The following CAMKMT variants were observed in gnomAD, a reference collection of about 807,000 sequenced individuals.
CAMKMT encodes CaM KMT.
In CAMKMT, 53 loss-of-function variants were observed where a neutral mutation model predicts 48.0. That is an observed-to-expected ratio of 1.10 (90% CI 0.89 to 1.39). The LOEUF (loss-of-function observed/expected upper bound fraction) is 1.39. Ranked by LOEUF, CAMKMT falls within the 40% of genes most tolerant of loss-of-function variation. The probability of loss-of-function intolerance (pLI) is 0.00; values close to 1 mark genes in which losing one functional copy is unlikely to be tolerated. For missense variants in CAMKMT, 428 were observed against 402.7 expected (o/e 1.06, Z -0.54); for synonymous variants, 165 against 152.3 (o/e 1.08, Z -0.61).
rs576054386 is a variant in CAMKMT at position 44,526,139 on chromosome 2, A to G, written c.376+135834A>G. The stretch of plus-strand genomic sequence containing the variant: ...TCATTCTCAGGAAACTATCACAAGG[A>G]CAAAAAACCTCTTTCCCAAGATTTC... On this transcript the variant is annotated intron_variant, in intron 3 of 10. Coordinates refer to ENST00000378494, the MANE Select transcript of CAMKMT (RefSeq NM_024766.5). Among the ~76,000 whole-genome samples the G allele has an allele frequency of 4.0e-5, 6 of 151,450 alleles. No homozygotes were observed. The East Asian group carries it at 1.2e-3, about 30-fold the overall frequency.
chr2:44,588,152 C>G (rs958146993), intron 3 of CAMKMT, among the ~76,000 whole-genome samples: 1 of 135,892 alleles, frequency 7.4e-6, no homozygotes, highest in Non-Finnish European at 1.6e-5. Context: ...ATGTGAGGAG[C>G]GCCTCTGCCC....
intron 3 of CAMKMT, among the ~76,000 whole-genome samples, chr2:44,483,573 CT>C (rs1366564265): frequency 4.6e-5 from 7 of 152,072 alleles, no homozygotes; most frequent in African/African-American, 1.2e-4. Flanking sequence ...GACCATTGTA[CT>C]TCTAAAGTTT....
chr2:44,762,924 T>A (rs2104401580), intron 9 of CAMKMT, among the ~76,000 whole-genome samples: 1 of 152,368 alleles, frequency 6.6e-6, no homozygotes, highest in Middle Eastern at 3.4e-3. Flanking sequence ...GCTTAGAAAG[T>A]TGTGCTTTGG....
chr2:44,520,265 C>T (rs1006231188), intron 3 of CAMKMT, among the ~76,000 whole-genome samples: 45 of 151,884 alleles, frequency 3.0e-4, no homozygotes, highest in African/African-American at 8.9e-4. Flanking sequence ...GATGGGGTCT[C>T]GCTATGTTGC....
chr2:44,652,112 C>T (rs1674103325), intron 3 of CAMKMT, among the ~76,000 whole-genome samples: 1 of 152,136 alleles, frequency 6.6e-6, no homozygotes, highest in South Asian at 2.1e-4. Context: ...GATTTTAAAG[C>T]TATGTTTATA....
rs372225514 is a variant in CAMKMT, at chr2:44,494,241, C to T, written c.376+103936C>T. 2.0e-4 allele frequency among the ~76,000 whole-genome samples: 31 copies of T among 152,272 alleles called. No individual in the cohort carries two copies. The East Asian group carries it at 4.4e-3, about 22-fold the overall frequency. On this transcript the variant is annotated intron_variant, in intron 3 of 10. Coordinates refer to ENST00000378494, the MANE Select transcript of CAMKMT (RefSeq NM_024766.5). The stretch of plus-strand genomic sequence containing the variant: ...ACTCTTGGATGTCAGTAGACATGAA[C>T]GGGAGGTACTGTATACAACAAGCTT...
At chr2:44,553,018 C>G (rs1321187797) in intron 3 of CAMKMT, among the ~76,000 whole-genome samples, 1 of 152,108 alleles carries the variant, frequency 6.6e-6, no homozygotes, top group Non-Finnish European at 1.5e-5. Context: ...GAGGCTTAGC[C>G]AAAGAGTTCA....
intron 4 of CAMKMT, among the ~76,000 whole-genome samples, chr2:44,704,747 A>T (rs933349225): frequency 2.0e-5 from 3 of 151,980 alleles, no homozygotes; most frequent in Non-Finnish European, 4.4e-5. Flanking sequence ...TCACTACAGA[A>T]TGTCTGATAG....
chr2:44,412,130 C>T (rs1318547724), intron 3 of CAMKMT, among the ~76,000 whole-genome samples: 1 of 151,792 alleles, frequency 6.6e-6, no homozygotes. Flanking sequence ...GATGGAACTG[C>T]TTGTCACGCG....
intron 3 of CAMKMT, among the ~76,000 whole-genome samples, chr2:44,665,970 G>A (rs934917736): frequency 6.6e-6 from 1 of 152,226 alleles, no homozygotes; most frequent in Non-Finnish European, 1.5e-5. Context: ...AACTGACTCA[G>A]AGTTAAAGCG....
chr2:44,742,608 T>C (rs1210833823), intron 7 of CAMKMT, among the ~76,000 whole-genome samples: 1 of 152,174 alleles, frequency 6.6e-6, no homozygotes, highest in African/African-American at 2.4e-5. Context: ...GTGTAGGTAT[T>C]TTTGTGGTGA....
intron 3 of CAMKMT, among the ~76,000 whole-genome samples, chr2:44,447,548 T>C (rs930645945): frequency 6.6e-6 from 1 of 152,238 alleles, no homozygotes; most frequent in Non-Finnish European, 1.5e-5. Flanking sequence ...TCATGTTGCA[T>C]GTTTATCTTG....
rs143166244 is a variant in CAMKMT at position 44,696,408 on chromosome 2, C to G, written c.377-7875C>G. Among the ~76,000 whole-genome samples the G allele has an allele frequency of 5.9e-5, 9 of 152,224 alleles. No individual in the cohort carries two copies. The East Asian group carries it at 1.5e-3, about 26-fold the overall frequency. ...CCACAAATATTGAGGGGCAGTTGTA[C>G]TTCTAAAAGAAGGAGTTGAAGGGGA... On this transcript the variant is annotated intron_variant, in intron 3 of 10. Coordinates refer to ENST00000378494, the MANE Select transcript of CAMKMT (RefSeq NM_024766.5).
At position 44,529,125 on chromosome 2, in the gene CAMKMT, C is replaced by T. The variant is rs541115984; in HGVS notation, c.376+138820C>T. Among the ~76,000 whole-genome samples, 8 of 152,170 alleles carry T rather than the reference C, an allele frequency of 5.3e-5. No homozygotes were observed. The East Asian group carries it at 5.8e-4, about 11-fold the overall frequency. ...AATGCTTGATTTCTTTCCCTTTAAC[C>T]GCTAGTTTTCAGAATAATGAATTGG... On this transcript the variant is annotated intron_variant, in intron 3 of 10. Coordinates refer to ENST00000378494, the MANE Select transcript of CAMKMT (RefSeq NM_024766.5).
rs556632466 is a variant in CAMKMT, at chr2:44,416,512, A to G, written c.376+26207A>G. Among the ~76,000 whole-genome samples, 407 of 151,492 alleles carry G rather than the reference A, an allele frequency of 2.7e-3. 1 individual carries two copies. The highest frequency in any genetic ancestry group is 9.4e-3 in the African/African-American group (386 of 41,212). The stretch of plus-strand genomic sequence containing the variant: ...AGATTAAACTCTTCTCGTGTTTCAT[A>G]TAAATGCATTCTTATATGTTCTCTT... On this transcript the variant is annotated intron_variant, in intron 3 of 10. Coordinates refer to ENST00000378494, the MANE Select transcript of CAMKMT (RefSeq NM_024766.5).
At chr2:44,624,380 G>A (rs1672361013) in intron 3 of CAMKMT, among the ~76,000 whole-genome samples, 1 of 151,854 alleles carries the variant, frequency 6.6e-6, no homozygotes, top group African/African-American at 2.4e-5. Flanking sequence ...ACAATGTGCA[G>A]GTTTGTTACA....
rs759482857 is a variant in CAMKMT, at chr2:44,361,988, G to T, written c.-20G>T. 3 of 1,378,384 alleles carry T rather than the reference G, an allele frequency of 2.2e-6. No homozygotes were observed. Among genetic ancestry groups the T allele is most frequent in the South Asian group, 3.4e-5 (2 of 59,652 alleles). The allele number at this position is 1,378,384 out of a possible 1,614,324, so 85.4% of individuals were successfully genotyped here. On this transcript the variant is annotated 5_prime_UTR_variant, in exon 1 of 11. Coordinates refer to ENST00000378494, the MANE Select transcript of CAMKMT (RefSeq NM_024766.5). ...CGAGCTGCGGCGGTGGCACCTCCGGGTGTGGAAGGCTCCAGTGAGATGGAG... is the reference window on the plus strand; with the variant it reads ...CGAGCTGCGGCGGTGGCACCTCCGGTTGTGGAAGGCTCCAGTGAGATGGAG...
At chr2:44,402,350 A>G (rs923808154) in intron 3 of CAMKMT, among the ~76,000 whole-genome samples, 2 of 143,564 alleles carry the variant, frequency 1.4e-5, no homozygotes, top group African/African-American at 5.0e-5. Flanking sequence ...AAAAAAAAAG[A>G]TAGAATTTAA....
At chr2:44,682,026 G>A (rs1676045380) in intron 3 of CAMKMT, among the ~76,000 whole-genome samples, 1 of 152,192 alleles carries the variant, frequency 6.6e-6, no homozygotes, top group Admixed American at 6.5e-5. Context: ...CTCTGCCCCT[G>A]AAAGGCATGC....
Sources: allele counts gnomAD v4.1 joint callset (sites outside exome capture counted in the v4.1 genomes callset), GRCh38; gene constraint gnomAD v4.1.1; transcripts MANE v1.5; gene names NCBI Gene and HGNC (gene_info 2026-07-23, HGNC 2026-07-21).